Variants in PRAME observed in about 807,000 individuals in gnomAD.
PRAME encodes the protein melanoma antigen preferentially expressed in tumors.
A neutral mutation model predicts 32.1 loss-of-function variants in PRAME; 21 were observed. The ratio of observed to expected loss-of-function variants is 0.65; its 90% confidence interval spans 0.46 to 0.94. The LOEUF is 0.94. PRAME is among the 40% of genes least tolerant of loss of function. PRAME has a pLI of 0.00. For synonymous variants in PRAME, 274 were observed against 251.5 expected (o/e 1.09, Z -0.85); for missense variants, 651 against 622.3 (o/e 1.05, Z -0.49).
At chr22:22,552,963 A>G (rs934212114) in intron 3 of PRAME, 4 of 470,524 alleles carry the variant, frequency 8.5e-6, no homozygotes, top group African/African-American at 4.0e-5. Flanking sequence ...TGCCAACGGA[A>G]GAGCCAAATC....
At chr22:22,552,237 T>C (rs1423725048) in intron 3 of PRAME, among the ~76,000 whole-genome samples, 2 of 151,642 alleles carry the variant, frequency 1.3e-5, no homozygotes, top group African/African-American at 4.8e-5. Context: ...TGGAATATTT[T>C]TTAACCTTGT....
At chr22:22,558,635 G>C (rs2063142036) in intron 1 of PRAME, among the ~76,000 whole-genome samples, 2 of 145,806 alleles carry the variant, frequency 1.4e-5, no homozygotes, top group African/African-American at 5.0e-5. Context: ...AGTAGGGTGG[G>C]GGCAGGGTGG....
chr22:22,556,413 C>T (rs1286904734), intron 3 of PRAME, among the ~76,000 whole-genome samples: 8 of 151,612 alleles, frequency 5.3e-5, no homozygotes, highest in Admixed American at 5.3e-4. Flanking sequence ...TGGGTTCAAG[C>T]GATTCTCCTG....
intron 3 of PRAME, among the ~76,000 whole-genome samples, chr22:22,554,734 A>G (rs747705479): frequency 2.6e-5 from 4 of 151,924 alleles, no homozygotes; most frequent in Non-Finnish European, 4.4e-5. Flanking sequence ...GGAGTTTAGA[A>G]AGAGTTTCAT....
At chr22:22,555,842 T>C (rs925381566) in intron 3 of PRAME, 2 of 469,518 alleles carry the variant, frequency 4.3e-6, no homozygotes, top group Non-Finnish European at 8.9e-6. Flanking sequence ...TTACCCCTAA[T>C]GGCCCAAGCC....
chr22:22,551,967 T>A (rs1163639662), intron 3 of PRAME, among the ~76,000 whole-genome samples: 1 of 151,410 alleles, frequency 6.6e-6, no homozygotes. Flanking sequence ...ACAGTTACCA[T>A]CTTGTATACT....
At chr22:22,549,380 T>C (rs1224676674) in intron 5 of PRAME, among the ~76,000 whole-genome samples, 2 of 151,900 alleles carry the variant, frequency 1.3e-5, no homozygotes, top group East Asian at 3.9e-4. Context: ...TTTGATGGGC[T>C]TTCCCTTCTT....
chr22:22,554,127 A>G lies in PRAME; in HGVS notation c.21+2685T>C. The G allele has an allele frequency of 4.1e-6, 4 of 985,126 alleles. No individual in the cohort carries two copies. In the South Asian group the frequency reaches 1.9e-4, roughly 46 times the overall value. The allele number at this position is 985,126 out of a possible 1,614,324, so 61.0% of individuals were successfully genotyped here. On this transcript the variant is annotated intron_variant, in intron 3 of 5. Transcript: ENST00000405655. The stretch of plus-strand genomic sequence containing the variant: ...AAAATTGAAGTTATATTTGGCATTT[A>G]AGGATCTGCTTAGGGATGATTCCTA...
In PRAME at chr22:22,548,549, G is replaced by C. The variant is rs753675074; in HGVS notation, c.1048C>G (p.Gln350Glu). 1 of 1,613,504 alleles carries C rather than the reference G, an allele frequency of 6.2e-7. No homozygotes were observed. The highest frequency in any genetic ancestry group is 1.1e-5 in the South Asian group (1 of 91,064). The change falls in exon 6 of 6, where the codon CAG becomes GAG. Residue 350 changes from glutamine (Q) to glutamate (E), a missense_variant. Coordinates refer to ENST00000405655, the MANE Select transcript of PRAME (RefSeq NM_206956.3). Reference protein sequence around the residue: ...MHLSQSPSVSQLSVLSLSGVM... With the variant: ...MHLSQSPSVSELSVLSLSGVM... ...CCACTTAGACTCAGGACACTTAGCT[G>C]ACTGACGCTGGGACTCTGGGACAGA...
At chr22:22,554,651 G>T (rs886656653) in intron 3 of PRAME, among the ~76,000 whole-genome samples, 1 of 151,878 alleles carries the variant, frequency 6.6e-6, no homozygotes, top group African/African-American at 2.4e-5. Context: ...TTTTAGTCTT[G>T]TAAGTCCCTG....
chr22:22,549,563 G>A (rs115908195), intron 5 of PRAME, among the ~76,000 whole-genome samples, 163 bp downstream of exon 5: 2,365 of 152,002 alleles, frequency 0.016, 68 homozygotes, highest in African/African-American at 0.054. Context: ...TAGTAGTTAT[G>A]TGATACCATG....
At position 22,549,984 on chromosome 22, in the gene PRAME, A is replaced by T; in HGVS notation, c.695T>A (p.Leu232Gln). ...CACTTCCAAATCTTCAATAGAGTCC[A>T]GCTGCACCATTTTCAGGATCATCTT... is the stretch of plus-strand genomic sequence containing the variant. ...DIKMILKMVQLDSIEDLEVTC... is the reference protein window; with the variant it reads ...DIKMILKMVQQDSIEDLEVTC... The change falls in exon 5 of 6, where the codon CTG becomes CAG. Residue 232 changes from leucine (L) to glutamine (Q), a missense_variant. Coordinates refer to ENST00000405655, the MANE Select transcript of PRAME (RefSeq NM_206956.3). The T allele has an allele frequency of 1.9e-6, 3 of 1,613,922 alleles. No individual in the cohort carries two copies. The highest frequency in any genetic ancestry group is 2.5e-6 in the Non-Finnish European group (3 of 1,179,978).
At chr22:22,555,017 G>C (rs2062821743) in intron 3 of PRAME, among the ~76,000 whole-genome samples, 2 of 152,000 alleles carry the variant, frequency 1.3e-5, no homozygotes, top group African/African-American at 4.8e-5. Flanking sequence ...AGCACCAGGG[G>C]CACATTTGCA....
chr22:22,548,321 G>C lies in PRAME; in HGVS notation c.1276C>G (p.Leu426Val), dbSNP rs751175197. ...NSISISALQS[L>V]LQHLIGLSNL... ...CTCAGCCCGATGAGGTGCTGCAGGA[G>C]ACTCTGCAGGGCAGATATGGAGATG... The change falls in exon 6 of 6, where the codon CTC becomes GTC. Residue 426 changes from leucine (L) to valine (V), a missense_variant. By Grantham distance (32) the Leu-to-Val change is conservative. Coordinates refer to ENST00000405655, the MANE Select transcript of PRAME (RefSeq NM_206956.3). 1 of 1,613,690 alleles carries C rather than the reference G, an allele frequency of 6.2e-7. No homozygotes were observed. The highest frequency in any genetic ancestry group is 8.5e-7 in the Non-Finnish European group (1 of 1,179,904).
Position 22,559,032 on chromosome 22 carries a change from C to T in PRAME, c.-175G>A, listed in dbSNP as rs1237718808. 1.8e-5 allele frequency: 3 copies of T among 166,226 alleles called. No homozygotes were observed. Among genetic ancestry groups the T allele is most frequent in the South Asian group, 1.6e-4 (1 of 6,328 alleles). The allele number at this position is 166,226 out of a possible 1,614,324, so 10.3% of individuals were successfully genotyped here. A position where few individuals can be genotyped will look rare whatever the true frequency, so the allele number is the denominator to read the frequency against. On this transcript the variant is annotated 5_prime_UTR_variant, in exon 1 of 6. Transcript: ENST00000405655. ...CGGTTTCCCAGAACTTTCTGAGGCC[C>T]GCGCATGCTCCCCTCGACTCCCCGT... is the stretch of plus-strand genomic sequence containing the variant.
chr22:22,548,619 G>C lies in PRAME; in HGVS notation c.978C>G (p.Thr326=), dbSNP rs752642311. ...LLRHVMNPLE[T]LSITNCRLSE... is the part of the protein sequence containing the mutation. ...AAAGCCGGCAGTTAGTTATTGAGAG[G>C]GTTTCCAAGGGGTTCATCACGTGCC... Residue 326 remains threonine (T), a synonymous_variant, in exon 6 of 6, where the codon ACC becomes ACG. Coordinates refer to ENST00000405655, the MANE Select transcript of PRAME (RefSeq NM_206956.3). 3 of 1,603,812 alleles carry C rather than the reference G, an allele frequency of 1.9e-6. No individual in the cohort carries two copies. In the African/African-American group the frequency reaches 4.0e-5, roughly 21 times the overall value.
At chr22:22,552,478 GA>G (rs1481982688) in intron 3 of PRAME, among the ~76,000 whole-genome samples, 1 of 150,296 alleles carries the variant, frequency 6.7e-6, no homozygotes, top group African/African-American at 2.4e-5. Context: ...AAATGTTTGG[GA>G]TTCAATATAA....
rs73158906 is a variant in PRAME at position 22,551,041 on chromosome 22, G to C, written c.70C>G (p.Arg24Gly). ...TGCCCTGCCAGCTCCACAAGTCTCCGTGGGCTTGTCCACACACTCATGCTG... is the reference window on the plus strand; with the variant it reads ...TGCCCTGCCAGCTCCACAAGTCTCCCTGGGCTTGTCCACACACTCATGCTG... The part of the protein sequence containing the change: ...YISMSVWTSP[R>G]RLVELAGQSL... The change falls in exon 4 of 6, where the codon CGG becomes GGG. Residue 24 changes from arginine (R) to glycine (G), a missense_variant. Arg to Gly is a moderately radical substitution (Grantham distance 125). Coordinates refer to ENST00000405655, the MANE Select transcript of PRAME (RefSeq NM_206956.3). 1.5e-3 allele frequency: 2,350 copies of C among 1,607,968 alleles called. 2 individuals carry two copies. The highest frequency in any genetic ancestry group is 1.5e-3 in the Non-Finnish European group (1,721 of 1,176,248).
In PRAME at chr22:22,556,669, G is replaced by A. The variant is rs893467387; in HGVS notation, c.21+143C>T. 56 of 1,025,948 alleles carry A rather than the reference G, an allele frequency of 5.5e-5. 1 individual carries two copies. The South Asian group carries it at 6.9e-4, about 13-fold the overall frequency. 63.6% of individuals were successfully genotyped at this position (1,025,948 alleles called of 1,614,324 possible). A position where few individuals can be genotyped will look rare whatever the true frequency, so the allele number is the denominator to read the frequency against. On this transcript the variant is annotated intron_variant, in intron 3 of 5. Transcript: ENST00000405655. ...AAGTGAAATGCTCTTTTGTGGAAAT[G>A]ACCAGAAACAATAAAAGCGGCTCCT...
Sources: gnomAD v4.1 joint callset for allele counts (sites outside exome capture counted in the v4.1 genomes callset) on GRCh38, gnomAD v4.1.1 for gene constraint, MANE v1.5 for transcripts, NCBI Gene and HGNC (gene_info 2026-07-23, HGNC 2026-07-21) for gene names.